GRID1: variants seen among roughly 807,000 people sequenced by gnomAD.
The protein encoded by GRID1 is glutamate receptor ionotropic, delta-1.
A neutral mutation model predicts 98.0 loss-of-function variants in GRID1; 28 were observed. That is an observed-to-expected ratio of 0.29 (90% CI 0.21 to 0.39). The LOEUF (loss-of-function observed/expected upper bound fraction) is 0.39. Among genes scored for constraint, GRID1 ranks in the 10% least tolerant of loss-of-function variants. The probability of loss-of-function intolerance (pLI) is 1.00; values close to 1 mark genes in which losing one functional copy is unlikely to be tolerated. For synonymous variants in GRID1, 553 were observed against 538.5 expected (o/e 1.03, Z -0.37); for missense variants, 1,111 against 1,340.5 (o/e 0.83, Z 2.67).
chr10:86,321,134 T>C (rs567146198), intron 2 of GRID1, among the ~76,000 whole-genome samples: 2 of 145,290 alleles, frequency 1.4e-5, no homozygotes, highest in South Asian at 4.5e-4. Context: ...AAAAAAAATG[T>C]TGGGAAGAAA....
At chr10:86,301,326 A>G (rs1258480895) in intron 2 of GRID1, among the ~76,000 whole-genome samples, 1 of 152,226 alleles carries the variant, frequency 6.6e-6, no homozygotes, top group African/African-American at 2.4e-5. Flanking sequence ...AATCAGCTCC[A>G]TCTATCTATC....
At chr10:85,837,754 T>G (rs943186467) in intron 8 of GRID1, among the ~76,000 whole-genome samples, 1 of 152,202 alleles carries the variant, frequency 6.6e-6, no homozygotes, top group Non-Finnish European at 1.5e-5. Flanking sequence ...GAGTGTCTTC[T>G]TTCCTCCAAA....
At chr10:86,100,012 G>C (rs1392922898) in intron 4 of GRID1, among the ~76,000 whole-genome samples, 2 of 152,190 alleles carry the variant, frequency 1.3e-5, no homozygotes, top group Non-Finnish European at 2.9e-5. Context: ...GCCAGAGCCT[G>C]GTAACTAGCA....
intron 2 of GRID1, among the ~76,000 whole-genome samples, chr10:86,339,946 C>T (rs1010183421): frequency 5.3e-5 from 8 of 151,940 alleles, no homozygotes; most frequent in African/African-American, 1.2e-4. Context: ...ATGAGAACTA[C>T]GGAGAAAGAC....
chr10:85,846,703 T>C (rs1843010155), intron 8 of GRID1, among the ~76,000 whole-genome samples: 1 of 152,074 alleles, frequency 6.6e-6, no homozygotes, highest in East Asian at 1.9e-4. Context: ...ATAATAGGAA[T>C]GAAGAGGGAG....
intron 12 of GRID1, among the ~76,000 whole-genome samples, chr10:85,722,767 T>C (rs899282238): frequency 6.6e-6 from 1 of 152,236 alleles, no homozygotes; most frequent in Non-Finnish European, 1.5e-5. Flanking sequence ...CTTAGCTTTG[T>C]AGCCAGCATT....
intron 4 of GRID1, among the ~76,000 whole-genome samples, chr10:86,087,510 C>CTGTGTGTGTGTGTG (rs60644459): frequency 0.078 from 10,952 of 140,834 alleles, 518 homozygotes; most frequent in Admixed American, 0.14. Context: ...GTGTGTGTGT[C>CTGTGTGTGTGTGTG]TGTGTGTGTG....
At chr10:85,958,586 A>G (rs1589313718) in intron 4 of GRID1, among the ~76,000 whole-genome samples, 1 of 152,196 alleles carries the variant, frequency 6.6e-6, no homozygotes, top group African/African-American at 2.4e-5. Context: ...CATTTGAATC[A>G]GTAACTAAGT....
At chr10:85,694,625 A>T (rs1042556532) in intron 12 of GRID1, among the ~76,000 whole-genome samples, 9 of 145,648 alleles carry the variant, frequency 6.2e-5, no homozygotes, top group African/African-American at 2.3e-4. Context: ...TCAGCCATAA[A>T]AAAGAATAAA....
At chr10:86,030,018 T>C (rs901081925) in intron 4 of GRID1, among the ~76,000 whole-genome samples, 41 of 152,348 alleles carry the variant, frequency 2.7e-4, no homozygotes, top group Non-Finnish European at 4.0e-4. Context: ...ACTGAAATAT[T>C]GGACAGAGAA....
At chr10:85,904,194 G>A (rs1333950133) in intron 5 of GRID1, among the ~76,000 whole-genome samples, 1 of 152,144 alleles carries the variant, frequency 6.6e-6, no homozygotes, top group Non-Finnish European at 1.5e-5. Context: ...GGAGTAACAG[G>A]GATTGGATTT....
At position 86,180,062 on chromosome 10, in the gene GRID1, C is replaced by G. The variant is rs371573381; in HGVS notation, c.520+26302G>C. Reference sequence around the variant, plus strand: ...CTATGGCAGAAGCCAAGTCAAGAGTCTGGGAGCCAGTGGGCAGGGCGGAGC... The same window carrying G: ...CTATGGCAGAAGCCAAGTCAAGAGTGTGGGAGCCAGTGGGCAGGGCGGAGC... On this transcript the variant is annotated intron_variant, in intron 3 of 15. Transcript: ENST00000327946. Among the ~76,000 whole-genome samples, 11 of 152,124 alleles carry G rather than the reference C, an allele frequency of 7.2e-5. No individual in the cohort carries two copies. In the East Asian group the frequency reaches 1.9e-3, roughly 27 times the overall value.
rs571384174 is a variant in GRID1, at chr10:86,211,483, A to G, written c.236-4835T>C. ...AAGAAAGGGCTACTCAGAGCTCGGC[A>G]TTGGGGGTGTGGGGGGTGCCCAGAC... On this transcript the variant is annotated intron_variant, in intron 2 of 15. Transcript: ENST00000327946. Among the ~76,000 whole-genome samples, 331 of 152,284 alleles carry G rather than the reference A, an allele frequency of 2.2e-3. 1 individual carries two copies. The highest frequency in any genetic ancestry group is 3.1e-3 in the Non-Finnish European group (209 of 68,008).
At chr10:85,918,060 G>A (rs150644755) in intron 4 of GRID1, among the ~76,000 whole-genome samples, 100 of 152,346 alleles carry the variant, frequency 6.6e-4, no homozygotes, top group African/African-American at 2.0e-3. Flanking sequence ...TGAGCGCATC[G>A]CTGGGCTCTA....
chr10:86,182,325 G>T (rs1330915083), intron 3 of GRID1, among the ~76,000 whole-genome samples: 2 of 152,236 alleles, frequency 1.3e-5, no homozygotes, highest in Admixed American at 6.5e-5. Context: ...AGGCATCAGT[G>T]GGGGAGCCTC....
intron 2 of GRID1, among the ~76,000 whole-genome samples, chr10:86,225,849 G>A (rs1391654526): frequency 6.6e-6 from 1 of 152,200 alleles, no homozygotes; most frequent in African/African-American, 2.4e-5. Context: ...TGTGCCCTCA[G>A]CAAATGAACC....
chr10:86,336,664 G>A lies in GRID1; in HGVS notation c.235+27277C>T, dbSNP rs1348640409. 3.9e-5 allele frequency among the ~76,000 whole-genome samples: 6 copies of A among 152,312 alleles called. No homozygotes were observed. In the South Asian group the frequency reaches 8.3e-4, roughly 21 times the overall value. ...TGGTTTTCATATCAGGTACTAAAGC[G>A]CAATGATTAGGTGACAAACCTCATT... is the stretch of plus-strand genomic sequence containing the variant. On this transcript the variant is annotated intron_variant, in intron 2 of 15. Coordinates refer to ENST00000327946, the MANE Select transcript of GRID1 (RefSeq NM_017551.3).
intron 4 of GRID1, among the ~76,000 whole-genome samples, chr10:86,049,763 A>G (rs1484316507): frequency 6.6e-6 from 1 of 152,238 alleles, no homozygotes; most frequent in Non-Finnish European, 1.5e-5. Flanking sequence ...TTTGAGAAAT[A>G]CATAACCTCC....
At chr10:86,148,819 C>T (rs1845121867) in intron 3 of GRID1, among the ~76,000 whole-genome samples, 1 of 152,170 alleles carries the variant, frequency 6.6e-6, no homozygotes, top group African/African-American at 2.4e-5. Context: ...GAAGCAGCCC[C>T]ACTGCCCTGC....
Sources: allele counts gnomAD v4.1 joint callset (sites outside exome capture counted in the v4.1 genomes callset), GRCh38; gene constraint gnomAD v4.1.1; transcripts MANE v1.5; gene names NCBI Gene and HGNC (gene_info 2026-07-23, HGNC 2026-07-21).